Variants in MGAT4A observed in about 807,000 individuals in gnomAD.
MGAT4A encodes the protein N-acetylglucosaminyltransferase IVa.
A neutral mutation model predicts 74.1 loss-of-function variants in MGAT4A; 33 were observed. The ratio of observed to expected loss-of-function variants is 0.45; its 90% CI spans 0.34 to 0.60. MGAT4A has a LOEUF of 0.60. Ranked by LOEUF, MGAT4A falls within the 20% of genes least tolerant of loss-of-function variation. The pLI is 0.02. For missense variants in MGAT4A, 479 were observed against 628.3 expected (o/e 0.76, Z 2.54); for synonymous variants, 198 against 210.4 (o/e 0.94, Z 0.51).
At chr2:98,651,111 T>C (rs1575250927) in intron 8 of MGAT4A, among the ~76,000 whole-genome samples, 1 of 151,288 alleles carries the variant, frequency 6.6e-6, no homozygotes, top group East Asian at 1.9e-4. Context: ...CTTTCCCAGA[T>C]AAACAAAAGC....
At chr2:98,675,618 T>G (rs1295271457) in intron 3 of MGAT4A, among the ~76,000 whole-genome samples, 1 of 151,786 alleles carries the variant, frequency 6.6e-6, no homozygotes, top group Non-Finnish European at 1.5e-5. Flanking sequence ...ACAATCACGG[T>G]TCACTGTCGC....
Position 98,643,996 on chromosome 2 carries a change from T to A in MGAT4A, c.947A>T (p.Tyr316Phe), listed in dbSNP as rs200548395. 21 of 1,604,714 alleles carry A rather than the reference T, an allele frequency of 1.3e-5. No homozygotes were observed. The East Asian group carries it at 4.3e-4, about 33-fold the overall frequency. Residue 316 changes from tyrosine to phenylalanine, a missense_variant, in exon 10 of 16, where the codon TAC (tyrosine) becomes TTC (phenylalanine). Physicochemically the swap from Tyr to Phe is conservative, Grantham distance 22. Coordinates refer to ENST00000393487, the MANE Select transcript of MGAT4A (RefSeq NM_012214.3). Reference sequence around the variant, plus strand: ...GAGCCAATCAATGGGTTTCTCCTTGTAAAACATGAATATGAATTCTACAAT... The same window carrying A: ...GAGCCAATCAATGGGTTTCTCCTTGAAAAACATGAATATGAATTCTACAAT... ...TLIVEFIFMF[Y>F]KEKPIDWLLD...
Position 98,682,971 on chromosome 2 carries a change from C to T in MGAT4A, c.95-4500G>A, listed in dbSNP as rs528506360. 4.2e-3 allele frequency among the ~76,000 whole-genome samples: 642 copies of T among 152,056 alleles called. 2 individuals carry two copies. The highest frequency in any genetic ancestry group is 0.011 in the South Asian group (51 of 4,818). ...GGCGTGGTGGCGGGCGCCTGTAGTCCCAGCTATGCGGGAAGCTGAGGCAGG... is the reference window on the plus strand; with the variant it reads ...GGCGTGGTGGCGGGCGCCTGTAGTCTCAGCTATGCGGGAAGCTGAGGCAGG... On this transcript the variant is annotated intron_variant, in intron 2 of 15. Coordinates refer to ENST00000393487, the MANE Select transcript of MGAT4A (RefSeq NM_012214.3).
intron 3 of MGAT4A, 56 bp from the exon 4 acceptor site, chr2:98,675,231 T>C (rs941406222): frequency 6.1e-6 from 8 of 1,315,512 alleles, no homozygotes; most frequent in Non-Finnish European, 8.4e-6. Flanking sequence ...AGTTGCTGAT[T>C]TTATAAAACC....
intron 12 of MGAT4A, 46 bp from the exon 13 acceptor site, chr2:98,636,641 T>G: frequency 6.5e-7 from 1 of 1,536,260 alleles, no homozygotes; most frequent in Non-Finnish European, 9.0e-7. Context: ...GGGCTAGATT[T>G]TACAAAGATT....
chr2:98,682,771 T>C (rs562918159), intron 2 of MGAT4A, among the ~76,000 whole-genome samples: 1 of 152,036 alleles, frequency 6.6e-6, no homozygotes, highest in East Asian at 1.9e-4. Flanking sequence ...ATCGGACACA[T>C]CCAAATTGGG....
At chr2:98,675,358 G>C (rs1701965311) in intron 3 of MGAT4A, among the ~76,000 whole-genome samples, 183 bp from the exon 4 acceptor site, 1 of 152,144 alleles carries the variant, frequency 6.6e-6, no homozygotes, top group South Asian at 2.1e-4. Flanking sequence ...AAGTCTCACA[G>C]GTCATGATGT....
intron 2 of MGAT4A, among the ~76,000 whole-genome samples, chr2:98,689,229 A>AT (rs1352008195): frequency 6.6e-6 from 1 of 152,222 alleles, no homozygotes; most frequent in Admixed American, 6.5e-5. Flanking sequence ...AACAACTGGG[A>AT]ATTCAGGATT....
intron 2 of MGAT4A, among the ~76,000 whole-genome samples, chr2:98,715,173 C>T (rs1702575142): frequency 6.6e-6 from 1 of 151,930 alleles, no homozygotes; most frequent in Non-Finnish European, 1.5e-5. Context: ...AAAAAAGTAG[C>T]AGGGCATGGT....
chr2:98,635,691 C>A (rs1016408938), intron 13 of MGAT4A, among the ~76,000 whole-genome samples: 33 of 152,020 alleles, frequency 2.2e-4, no homozygotes, highest in African/African-American at 7.7e-4. Context: ...CAAGTAAACA[C>A]TAAAGAAAAC....
chr2:98,721,993 T>C (rs1702679162), intron 2 of MGAT4A, among the ~76,000 whole-genome samples: 1 of 152,212 alleles, frequency 6.6e-6, no homozygotes, highest in Non-Finnish European at 1.5e-5. Flanking sequence ...AATTATATGT[T>C]GTTTACAGGA....
chr2:98,722,479 T>C (rs1426564947), intron 2 of MGAT4A, among the ~76,000 whole-genome samples: 1 of 152,100 alleles, frequency 6.6e-6, no homozygotes, highest in Non-Finnish European at 1.5e-5. Flanking sequence ...AAATCCAGAA[T>C]AGGGAAATCT....
At chr2:98,717,834 T>C (rs1702612558) in intron 2 of MGAT4A, among the ~76,000 whole-genome samples, 1 of 152,240 alleles carries the variant, frequency 6.6e-6, no homozygotes, top group South Asian at 2.1e-4. Context: ...CCACAAACAG[T>C]GCCTGGCATG....
At chr2:98,626,226 A>G (rs1337412183) in intron 14 of MGAT4A, among the ~76,000 whole-genome samples, 1 of 152,170 alleles carries the variant, frequency 6.6e-6, no homozygotes, top group African/African-American at 2.4e-5. Flanking sequence ...GTCAATAACA[A>G]ATTTTGATTT....
At chr2:98,678,576 A>C (rs1045041094) in intron 2 of MGAT4A, 105 bp from the exon 3 acceptor site, 2 of 682,374 alleles carry the variant, frequency 2.9e-6, no homozygotes, top group Admixed American at 3.8e-5. Context: ...AGTTTTTCAG[A>C]AGAAAATATT....
At chr2:98,626,308 C>T (rs1268874248) in intron 14 of MGAT4A, among the ~76,000 whole-genome samples, 2 of 152,146 alleles carry the variant, frequency 1.3e-5, no homozygotes, top group Admixed American at 6.5e-5. Flanking sequence ...TCCAAAGGCA[C>T]ATTTAGAAGG....
At chr2:98,664,501 G>C (rs549596335) in intron 4 of MGAT4A, among the ~76,000 whole-genome samples, 1 of 152,054 alleles carries the variant, frequency 6.6e-6, no homozygotes, top group African/African-American at 2.4e-5. Context: ...CAAAATGCAC[G>C]CACCTCAAAA....
intron 2 of MGAT4A, among the ~76,000 whole-genome samples, chr2:98,696,941 A>G (rs1702282946): frequency 6.6e-6 from 1 of 152,148 alleles, no homozygotes; most frequent in East Asian, 1.9e-4. Flanking sequence ...ATATTTCTGC[A>G]TTGTGATCCA....
Position 98,623,361 on chromosome 2 carries a change from G to C in MGAT4A, c.*2205C>G, listed in dbSNP as rs542402401. 7.7e-4 allele frequency: 754 copies of C among 985,322 alleles called. No homozygotes were observed. The highest frequency in any genetic ancestry group is 8.6e-4 in the Non-Finnish European group (711 of 829,974). The allele number at this position is 985,322 out of a possible 1,614,324, so 61.0% of individuals were successfully genotyped here. ...TAACTTTCTCCTCCCTAGATTTTCA[G>C]AGCATGGTCTTTCTTCATGAAACCA... On this transcript the variant is annotated 3_prime_UTR_variant, in exon 16 of 16. Coordinates refer to ENST00000393487, the MANE Select transcript of MGAT4A (RefSeq NM_012214.3).
Sources: gnomAD v4.1 joint callset for allele counts (sites outside exome capture counted in the v4.1 genomes callset) on GRCh38, gnomAD v4.1.1 for gene constraint, MANE v1.5 for transcripts, NCBI Gene and HGNC (gene_info 2026-07-23, HGNC 2026-07-21) for gene names.